CENPK: variants seen among roughly 807,000 people sequenced by gnomAD.
CENPK encodes SoxLZ/Sox6-binding protein Solt.
Under a neutral mutation model 40.9 loss-of-function variants are expected in CENPK, and 46 were observed. The ratio of observed to expected loss-of-function variants is 1.13; its 90% confidence interval spans 0.89 to 1.44. CENPK has a LOEUF of 1.44. CENPK is among the 40% of genes most tolerant of loss of function. The pLI, the probability that CENPK is intolerant of heterozygous loss-of-function variation, is 0.00. For missense variants in CENPK, 288 were observed against 303.5 expected, an observed-to-expected ratio of 0.95 and a Z score of 0.38; for synonymous variants, 107 against 104.4, an observed-to-expected ratio of 1.02 and a Z score of -0.15.
Position 65,529,016 on chromosome 5 carries a change from C to T in CENPK, c.373G>A (p.Glu125Lys). Residue 125 changes from glutamate to lysine, a missense_variant and splice_region_variant, in exon 8 of 11, where the codon GAA (glutamate) becomes AAA (lysine). Glu to Lys is a moderately conservative substitution (Grantham distance 56). Coordinates refer to ENST00000396679, the MANE Select transcript of CENPK (RefSeq NM_022145.5). ...TGCTGTTCATCCAACCACCGTTGTT[C>T]CCTTTCGACATGGAAAAACAATACA... ...NEKLKEDLER[E>K]QRWLDEQQQI... The T allele has an allele frequency of 1.9e-6, 3 of 1,604,294 alleles. No homozygotes were observed. The highest frequency in any genetic ancestry group is 2.6e-6 in the Non-Finnish European group (3 of 1,172,614).
At chr5:65,550,757 T>G (rs547906934) in intron 5 of CENPK, 1 of 152,062 alleles carries the variant, frequency 6.6e-6, no homozygotes, top group East Asian at 1.9e-4. Flanking sequence ...AAACTTAAGC[T>G]CTCACATTTA....
chr5:65,540,766 C>T (rs568727725), intron 6 of CENPK, among the ~76,000 whole-genome samples: 1 of 151,694 alleles, frequency 6.6e-6, no homozygotes, highest in South Asian at 2.1e-4. Context: ...TCCACCATGA[C>T]TTGCCCTACA....
chr5:65,511,641 C>T, the CENPK span, among the ~76,000 whole-genome samples: 1 of 152,188 alleles, frequency 6.6e-6, no homozygotes, highest in Non-Finnish European at 1.5e-5. Context: ...GGTGAGTGAG[C>T]ATTATGGCCT....
downstream of CENPK, among the ~76,000 whole-genome samples, chr5:65,515,938 A>G (rs74601022): frequency 1.3e-5 from 2 of 152,204 alleles, no homozygotes; most frequent in Non-Finnish European, 2.9e-5. Flanking sequence ...GGGTGTCAGC[A>G]TAGTCAATTT....
chr5:65,524,951 C>T (rs1174746992), intron 9 of CENPK, among the ~76,000 whole-genome samples: 4 of 152,186 alleles, frequency 2.6e-5, no homozygotes, highest in Non-Finnish European at 4.4e-5. Context: ...TCATGATTCA[C>T]TTGTTTCCTT....
At chr5:65,554,759 T>A in intron 3 of CENPK, 38 bp downstream of exon 3, 1 of 1,082,250 alleles carries the variant, frequency 9.2e-7, no homozygotes, top group Non-Finnish European at 1.4e-6. Context: ...TTGATTTAAA[T>A]CTTATATTAA....
chr5:65,518,031 C>T lies in CENPK; in HGVS notation c.*444G>A, dbSNP rs1743030703. The T allele has an allele frequency of 6.6e-6, 1 of 152,226 alleles. No homozygotes were observed. Among genetic ancestry groups the T allele is most frequent in the African/African-American group, 2.4e-5 (1 of 41,422 alleles). The allele number at this position is 152,226 out of a possible 1,614,324, so 9.4% of individuals were successfully genotyped here. On this transcript the variant is annotated 3_prime_UTR_variant, in exon 11 of 11. Coordinates refer to ENST00000396679, the MANE Select transcript of CENPK (RefSeq NM_022145.5). ...TAAATATTTTTAAATTATGCCACCT[C>T]AGATATTACCTCAATTTTAAAACCA...
chr5:65,495,899 T>C, the CENPK span, among the ~76,000 whole-genome samples: 1 of 152,220 alleles, frequency 6.6e-6, no homozygotes, highest in Non-Finnish European at 1.5e-5. Context: ...GGCACTCTCA[T>C]ACACTGCTGG....
intron 9 of CENPK, among the ~76,000 whole-genome samples, chr5:65,526,178 A>AT (rs1475218332): frequency 6.6e-6 from 1 of 152,158 alleles, no homozygotes; most frequent in African/African-American, 2.4e-5. Flanking sequence ...CTCTGGTTCT[A>AT]TTAGTGGAGC....
At chr5:65,512,364 A>G in the CENPK span, among the ~76,000 whole-genome samples, 24 of 152,320 alleles carry the variant, frequency 1.6e-4, 1 homozygote, top group South Asian at 5.0e-3. Context: ...GCATCTTACC[A>G]TGCTACTGAG....
At chr5:65,516,757 A>G (rs1251616954), downstream of CENPK, among the ~76,000 whole-genome samples, 1 of 152,114 alleles carries the variant, frequency 6.6e-6, no homozygotes, top group Non-Finnish European at 1.5e-5. Context: ...TAAACTAGGG[A>G]AAGTATTAAG....
At chr5:65,550,289 T>G (rs1749744839) in intron 5 of CENPK, among the ~76,000 whole-genome samples, 1 of 152,186 alleles carries the variant, frequency 6.6e-6, no homozygotes, top group Non-Finnish European at 1.5e-5. Context: ...CTCATGAAAC[T>G]TAATCATTTC....
At chr5:65,529,483 TTTTC>T (rs1172708282) in intron 6 of CENPK, 49 of 221,080 alleles carry the variant, frequency 2.2e-4, no homozygotes, top group East Asian at 4.7e-4. Flanking sequence ...AGTAGGTACC[TTTTC>T]TTTCTTTCTT....
At chr5:65,523,103 T>A (rs1744075090) in intron 9 of CENPK, among the ~76,000 whole-genome samples, 1 of 152,250 alleles carries the variant, frequency 6.6e-6, no homozygotes. Flanking sequence ...ATTCTATGTA[T>A]TTCTATTTAA....
intron 9 of CENPK, among the ~76,000 whole-genome samples, chr5:65,525,871 A>AC (rs11451371): frequency 0.41 from 61,757 of 151,732 alleles, 12,915 homozygotes; most frequent in East Asian, 0.65. Flanking sequence ...CCAGAAACCA[A>AC]CCCGACAGTA....
chr5:65,551,731 G>C (rs953502330), intron 4 of CENPK, 95 bp from the exon 5 acceptor site: 2 of 610,604 alleles, frequency 3.3e-6, no homozygotes, highest in African/African-American at 1.9e-5. Context: ...AAACTTTGCA[G>C]GGGGGTGGCA....
chr5:65,501,082 C>G, the CENPK span, among the ~76,000 whole-genome samples: 1 of 150,938 alleles, frequency 6.6e-6, no homozygotes, highest in Non-Finnish European at 1.5e-5. Flanking sequence ...TCATTTTAAA[C>G]TTTTCAATAT....
intron 4 of CENPK, 67 bp downstream of exon 4, chr5:65,552,426 T>G (rs188627320): frequency 2.0e-6 from 2 of 1,004,036 alleles, no homozygotes; most frequent in African/African-American, 3.4e-5. Context: ...CAGACACACA[T>G]ATTTATTTTC....
At chr5:65,534,046 T>TCAC (rs1554108533) in intron 6 of CENPK, among the ~76,000 whole-genome samples, 1 of 22,006 alleles carries the variant, frequency 4.5e-5, no homozygotes, top group Non-Finnish European at 8.4e-5. Flanking sequence ...AGACACCGTC[T>TCAC]CAACAAAAAA....
Sources: allele counts gnomAD v4.1 joint callset (sites outside exome capture counted in the v4.1 genomes callset), GRCh38; gene constraint gnomAD v4.1.1; transcripts MANE v1.5; gene names NCBI Gene and HGNC (gene_info 2026-07-23, HGNC 2026-07-21).